Variants in ABCC1 observed in about 807,000 individuals in gnomAD.
ABCC1 encodes ATP binding cassette subfamily C member 1 (ABCC1 blood group).
ABCC1 carries 83 observed loss-of-function variants against 172.9 expected under a neutral mutation model. The observed-to-expected ratio is 0.48, with a 90% confidence interval of 0.40 to 0.58. ABCC1 has a LOEUF of 0.58. Among genes scored for constraint, ABCC1 ranks in the 20% least tolerant of loss-of-function variants. The probability of loss-of-function intolerance (pLI) is 0.00; values close to 1 mark genes in which losing one functional copy is unlikely to be tolerated. For synonymous variants in ABCC1, 937 were observed against 825.2 expected (o/e 1.14, Z -2.32); for missense variants, 1,817 against 2,002.7 (o/e 0.91, Z 1.77).
intron 26 of ABCC1, 99 bp downstream of exon 26, chr16:16,126,010 G>A: frequency 5.1e-6 from 4 of 777,324 alleles, no homozygotes; most frequent in East Asian, 5.4e-5. Context: ...CTCTGAGCTG[G>A]ATACCTCACC....
At chr16:15,983,195 A>T (rs549546087) in intron 1 of ABCC1, among the ~76,000 whole-genome samples, 207 of 152,218 alleles carry the variant, frequency 1.4e-3, no homozygotes, top group Admixed American at 2.8e-3. Context: ...GAGCTGAAGG[A>T]TGCCCCTGCA....
intron 24 of ABCC1, among the ~76,000 whole-genome samples, chr16:16,123,777 C>A (rs2152116955): frequency 6.6e-6 from 1 of 152,224 alleles, no homozygotes; most frequent in African/African-American, 2.4e-5. Context: ...TTTGGGTGGC[C>A]AAGGCAGGCG....
intron 7 of ABCC1, among the ~76,000 whole-genome samples, chr16:16,043,610 C>T (rs954512621): frequency 6.8e-6 from 1 of 147,244 alleles, no homozygotes; most frequent in Non-Finnish European, 1.5e-5. Flanking sequence ...TATTGTTGTT[C>T]TTTCTTTTTG....
intron 1 of ABCC1, among the ~76,000 whole-genome samples, chr16:15,954,077 G>C (rs190030728): frequency 6.9e-6 from 1 of 145,482 alleles, no homozygotes; most frequent in African/African-American, 2.6e-5. Flanking sequence ...GTGTGATCTC[G>C]GTTCACTACA....
At chr16:16,103,635 C>A (rs545188126) in intron 20 of ABCC1, among the ~76,000 whole-genome samples, 3 of 152,184 alleles carry the variant, frequency 2.0e-5, no homozygotes, top group South Asian at 2.1e-4. Context: ...AAAACAACAA[C>A]AAAAATTGAC....
At chr16:16,082,217 C>G (rs2050832407) in intron 16 of ABCC1, among the ~76,000 whole-genome samples, 1 of 152,154 alleles carries the variant, frequency 6.6e-6, no homozygotes, top group African/African-American at 2.4e-5. Flanking sequence ...TGTGCTGTTC[C>G]CTCGGACTTG....
chr16:16,134,867 C>T (rs186318624), intron 28 of ABCC1, among the ~76,000 whole-genome samples: 2 of 152,178 alleles, frequency 1.3e-5, no homozygotes, highest in East Asian at 1.9e-4. Context: ...CCCTTGAACT[C>T]CTGGGCTCAA....
intron 1 of ABCC1, among the ~76,000 whole-genome samples, chr16:15,975,484 G>T (rs1268304839): frequency 6.6e-6 from 1 of 152,108 alleles, no homozygotes; most frequent in East Asian, 1.9e-4. Flanking sequence ...TTCTCTGCCT[G>T]CTTTCTGGAT....
intron 1 of ABCC1, among the ~76,000 whole-genome samples, chr16:15,990,136 T>C (rs2046825124): frequency 6.6e-6 from 1 of 151,918 alleles, no homozygotes; most frequent in South Asian, 2.1e-4. Context: ...CTCACTGCAG[T>C]CTCTGTCTTT....
At chr16:16,092,939 A>G (rs760449990) in intron 19 of ABCC1, among the ~76,000 whole-genome samples, 152 of 152,326 alleles carry the variant, frequency 1.0e-3, no homozygotes, top group Non-Finnish European at 1.2e-3. Context: ...GTGAGCCAAA[A>G]TCATGCCACT....
At chr16:15,954,294 G>A (rs1004465014) in intron 1 of ABCC1, among the ~76,000 whole-genome samples, 1 of 152,110 alleles carries the variant, frequency 6.6e-6, no homozygotes, top group Non-Finnish European at 1.5e-5. Flanking sequence ...CTCCCAAAGT[G>A]TTGGGGATTG....
chr16:16,135,103 C>T (rs918465262), intron 28 of ABCC1, among the ~76,000 whole-genome samples: 3 of 152,202 alleles, frequency 2.0e-5, no homozygotes, highest in African/African-American at 2.4e-5. Context: ...ACACCGTCTT[C>T]TCTCTCTGCT....
rs1389188515 is a variant in ABCC1 at position 16,138,535 on chromosome 16, C to A, written c.4464C>A (p.Leu1488=). ...CCGTCCTCACCATCGCCCACCGGCT[C>A]AACACCATCATGGACTACACAAGGT... is the stretch of plus-strand genomic sequence containing the variant. ...DCTVLTIAHR[L]NTIMDYTRVI... is the part of the protein sequence containing the mutation. The change falls in exon 30 of 31, where the codon CTC becomes CTA. Residue 1488 remains leucine (L), a synonymous_variant. Coordinates refer to ENST00000399410, the MANE Select transcript of ABCC1 (RefSeq NM_004996.4). The A allele has an allele frequency of 6.2e-7, 1 of 1,601,458 alleles. No individual in the cohort carries two copies. The highest frequency in any genetic ancestry group is 1.1e-5 in the South Asian group (1 of 90,556).
intron 1 of ABCC1, among the ~76,000 whole-genome samples, chr16:16,007,313 C>T (rs552073057): frequency 6.6e-6 from 1 of 151,712 alleles, no homozygotes; most frequent in Non-Finnish European, 1.5e-5. Flanking sequence ...TTGCAACTTC[C>T]GCCTTCCAGG....
intron 27 of ABCC1, 104 bp from the exon 28 acceptor site, chr16:16,134,246 C>T: frequency 2.1e-6 from 3 of 1,446,214 alleles, no homozygotes; most frequent in South Asian, 1.2e-5. Flanking sequence ...TTGGGTTGAC[C>T]AGATGACTGA....
rs1174476821 is a variant in ABCC1, at chr16:15,990,338, C to T, written c.49-17478C>T. The stretch of plus-strand genomic sequence containing the variant: ...CTGGGATTACAGGCATGAGCCATCA[C>T]ACCCGGCCATCAGCAAATTTTTAAG... On this transcript the variant is annotated intron_variant, in intron 1 of 30. Coordinates refer to ENST00000399410, the MANE Select transcript of ABCC1 (RefSeq NM_004996.4). Among the ~76,000 whole-genome samples the T allele has an allele frequency of 3.3e-5, 5 of 152,202 alleles. 1 individual carries two copies. The East Asian group carries it at 9.6e-4, about 29-fold the overall frequency.
intron 3 of ABCC1, among the ~76,000 whole-genome samples, chr16:16,012,121 G>A (rs1567311950): frequency 6.6e-6 from 1 of 152,160 alleles, no homozygotes; most frequent in Non-Finnish European, 1.5e-5. Context: ...ATTCTATATA[G>A]CACACATATG....
rs1318704037 is a variant in ABCC1 at position 16,102,535 on chromosome 16, TCTC to T, written c.2645-88_2645-86del. The T allele has an allele frequency of 2.9e-5, 33 of 1,143,730 alleles. No individual in the cohort carries two copies. In the African/African-American group the frequency reaches 3.2e-4, roughly 11 times the overall value. 70.8% of individuals were successfully genotyped at this position (1,143,730 alleles called of 1,614,324 possible). On this transcript the variant is annotated intron_variant, in intron 19 of 30. Transcript: ENST00000399410. ...ATCCTGGCGGCCAGGTGCTCTGTGG[TCTC>T]CTCACTGAAGTGGCCGGTTTTTGTT...
chr16:16,034,440 T>C (rs2048672887), intron 6 of ABCC1, among the ~76,000 whole-genome samples: 2 of 152,200 alleles, frequency 1.3e-5, no homozygotes, highest in Non-Finnish European at 2.9e-5. Context: ...TGTTCATGAC[T>C]ACAGGACCCC....
Sources: gnomAD v4.1 joint callset for allele counts (sites outside exome capture counted in the v4.1 genomes callset) on GRCh38, gnomAD v4.1.1 for gene constraint, MANE v1.5 for transcripts, NCBI Gene and HGNC (gene_info 2026-07-23, HGNC 2026-07-21) for gene names.